JMY: variants seen among roughly 807,000 people sequenced by gnomAD.
JMY encodes junction mediating and regulatory protein, p53 cofactor.
A neutral mutation model predicts 103.3 loss-of-function variants in JMY; 46 were observed. That is an observed-to-expected ratio of 0.45 (90% CI 0.35 to 0.57). The LOEUF is 0.57. Among genes scored for constraint, JMY ranks in the 20% least tolerant of loss-of-function variants. The pLI is 0.00. For synonymous variants in JMY, 526 were observed against 489.3 expected, an observed-to-expected ratio of 1.07 and a Z score of -0.99; for missense variants, 1,238 against 1,255.2, an observed-to-expected ratio of 0.99 and a Z score of 0.21.
chr5:79,272,475 G>C (rs1239372122), intron 1 of JMY, among the ~76,000 whole-genome samples: 1 of 151,614 alleles, frequency 6.6e-6, no homozygotes, highest in Non-Finnish European at 1.5e-5. Context: ...TGAAAATAGC[G>C]TGTAGTTTTT....
At chr5:79,251,440 T>A (rs543322252) in intron 1 of JMY, among the ~76,000 whole-genome samples, 62 of 152,218 alleles carry the variant, frequency 4.1e-4, no homozygotes, top group Non-Finnish European at 7.8e-4. Flanking sequence ...GGTGTATATA[T>A]TTATGGAATA....
chr5:79,252,020 C>T lies in JMY; in HGVS notation c.1032+14338C>T, dbSNP rs1194127988. Among the ~76,000 whole-genome samples the T allele has an allele frequency of 2.6e-5, 4 of 152,038 alleles. No individual in the cohort carries two copies. The East Asian group carries it at 7.7e-4, about 29-fold the overall frequency. On this transcript the variant is annotated intron_variant, in intron 1 of 10. Coordinates refer to ENST00000396137, the MANE Select transcript of JMY (RefSeq NM_152405.5). Reference sequence around the variant, plus strand: ...TGAACTCCCGACCTCAGGTGATCTGCCTGCCTCGGCCTCTCAAAGTGCTGG... The same window carrying T: ...TGAACTCCCGACCTCAGGTGATCTGTCTGCCTCGGCCTCTCAAAGTGCTGG...
At chr5:79,278,396 C>G (rs184690277) in intron 2 of JMY, among the ~76,000 whole-genome samples, 1 of 151,826 alleles carries the variant, frequency 6.6e-6, no homozygotes, top group Admixed American at 6.6e-5. Context: ...TTTCCTTCCT[C>G]CTCTAGTCAT....
At chr5:79,281,823 A>G (rs574301900) in intron 2 of JMY, among the ~76,000 whole-genome samples, 12 of 152,232 alleles carry the variant, frequency 7.9e-5, no homozygotes, top group Non-Finnish European at 1.5e-4. Flanking sequence ...TTGGTTGTAT[A>G]TAAATTAAGC....
chr5:79,284,993 A>G, intron 2 of JMY: 1 of 943,754 alleles, frequency 1.1e-6, no homozygotes, highest in South Asian at 1.5e-5. Context: ...ACGAACCTCT[A>G]GATTTTTAAA....
Position 79,291,209 on chromosome 5 carries a change from A to T in JMY, c.1437A>T (p.Lys479Asn). 1.2e-6 allele frequency: 2 copies of T among 1,613,418 alleles called. No homozygotes were observed. Among genetic ancestry groups the T allele is most frequent in the Non-Finnish European group, 1.7e-6 (2 of 1,179,766 alleles). ...SWAAAAERME[K>N]LQYAVSKETL... ...CAGCGGCTGCTGAACGGATGGAAAA[A>T]CTCCAGTATGCAGTTTCTAAGGAAA... Residue 479 changes from lysine (K) to asparagine (N), a missense_variant, in exon 4 of 11, where the codon AAA becomes AAT. Transcript: ENST00000396137.
chr5:79,237,917 A>G (rs1744576334), intron 1 of JMY, among the ~76,000 whole-genome samples: 1 of 151,888 alleles, frequency 6.6e-6, no homozygotes, highest in African/African-American at 2.4e-5. Flanking sequence ...AAAAGTAGTA[A>G]GTGCGCTCTG....
chr5:79,281,235 G>A (rs1338511214), intron 2 of JMY, among the ~76,000 whole-genome samples: 2 of 151,392 alleles, frequency 1.3e-5, no homozygotes, highest in East Asian at 1.9e-4. Flanking sequence ...TAGTAGAGAC[G>A]GGGTTTCACT....
chr5:79,256,557 C>T (rs1745248298), intron 1 of JMY, among the ~76,000 whole-genome samples: 2 of 152,144 alleles, frequency 1.3e-5, no homozygotes, highest in Admixed American at 6.6e-5. Context: ...TTGCTCTGTC[C>T]TATTCCCCTT....
chr5:79,269,395 C>A (rs1381237942), intron 1 of JMY, among the ~76,000 whole-genome samples: 2 of 152,166 alleles, frequency 1.3e-5, no homozygotes, highest in Non-Finnish European at 2.9e-5. Flanking sequence ...CTTCAACATT[C>A]TTCAATATTG....
intron 2 of JMY, chr5:79,284,256 T>G (rs1395684868): frequency 6.6e-7 from 1 of 1,519,928 alleles, no homozygotes; most frequent in Non-Finnish European, 9.0e-7. Flanking sequence ...CTTTCCCAAT[T>G]CAAACTTGGG....
intron 1 of JMY, among the ~76,000 whole-genome samples, chr5:79,270,447 T>C (rs1179315264): frequency 8.6e-6 from 1 of 116,020 alleles, no homozygotes; most frequent in Non-Finnish European, 1.7e-5. Context: ...TTAAAATATA[T>C]ATTTACATAA....
At chr5:79,310,002 C>G (rs919831420) in intron 7 of JMY, among the ~76,000 whole-genome samples, 2 of 139,826 alleles carry the variant, frequency 1.4e-5, no homozygotes, top group South Asian at 2.3e-4. Flanking sequence ...TTTCCCAGAT[C>G]TATTTTTTGG....
chr5:79,308,026 C>T (rs1033567516), intron 7 of JMY, among the ~76,000 whole-genome samples: 2 of 152,130 alleles, frequency 1.3e-5, no homozygotes, highest in Admixed American at 6.5e-5. Context: ...CATGAGCCAC[C>T]GTGCCTAGCC....
intron 1 of JMY, among the ~76,000 whole-genome samples, chr5:79,265,581 C>T (rs1052452310): frequency 1.3e-5 from 2 of 151,704 alleles, no homozygotes; most frequent in African/African-American, 4.9e-5. Flanking sequence ...ACTCTGTAGA[C>T]TAAAGATTAA....
chr5:79,281,766 A>T (rs1294412685), intron 2 of JMY, among the ~76,000 whole-genome samples: 1 of 152,202 alleles, frequency 6.6e-6, no homozygotes, highest in Non-Finnish European at 1.5e-5. Context: ...TCAGAGGTGT[A>T]TACAGCTGTC....
chr5:79,284,967 A>T, intron 2 of JMY: 1 of 1,267,210 alleles, frequency 7.9e-7, no homozygotes, highest in Non-Finnish European at 1.1e-6. Context: ...TGAAAGTAAA[A>T]TGAAGTTGAA....
intron 1 of JMY, among the ~76,000 whole-genome samples, chr5:79,263,332 G>C (rs953175031): frequency 1.3e-5 from 2 of 152,216 alleles, no homozygotes; most frequent in African/African-American, 4.8e-5. Flanking sequence ...AAGGACAGCT[G>C]CCGAGAAGAC....
intron 1 of JMY, among the ~76,000 whole-genome samples, chr5:79,238,538 A>T (rs184469152): frequency 2.6e-5 from 4 of 152,238 alleles, no homozygotes; most frequent in Admixed American, 2.6e-4. Flanking sequence ...AAATAGACCC[A>T]GTTTTCCCTA....
Sources: gnomAD v4.1 joint callset for allele counts (sites outside exome capture counted in the v4.1 genomes callset) on GRCh38, gnomAD v4.1.1 for gene constraint, MANE v1.5 for transcripts, NCBI Gene and HGNC (gene_info 2026-07-23, HGNC 2026-07-21) for gene names.